The following TUFT1 variants were observed in gnomAD, a reference collection of about 807,000 sequenced individuals.
TUFT1 encodes tuftelin 1, also known as tuftelin.
TUFT1 carries 43 observed loss-of-function variants against 57.8 expected under a neutral mutation model. The ratio of observed to expected loss-of-function variants is 0.74; its 90% CI spans 0.58 to 0.96. The LOEUF is 0.96. TUFT1 is among the 40% of genes least tolerant of loss of function. The pLI is 0.00. For missense variants in TUFT1, 459 were observed against 489.0 expected, an observed-to-expected ratio of 0.94 and a Z score of 0.58; for synonymous variants, 166 against 176.7, an observed-to-expected ratio of 0.94 and a Z score of 0.48.
intron 10 of TUFT1, among the ~76,000 whole-genome samples, chr1:151,579,245 C>T (rs1393644889): frequency 6.6e-6 from 1 of 152,160 alleles, no homozygotes; most frequent in Admixed American, 6.5e-5. Flanking sequence ...GAGCCTAAGG[C>T]CCCATAACTG....
In TUFT1 at chr1:151,574,384, C is replaced by G. The variant is rs752635495; in HGVS notation, c.709C>G (p.Leu237Val). 1.9e-6 allele frequency: 3 copies of G among 1,613,940 alleles called. No individual in the cohort carries two copies. The highest frequency in any genetic ancestry group is 1.7e-5 in the Admixed American group (1 of 59,980). ...AGTCGGAGAGCTGCAGAGGCGCTTG[C>G]TAGGGATGGAGACGGTAACCGGGGG... Reference protein sequence around the residue: ...AEVGELQRRLLGMETEHQALL... With the variant: ...AEVGELQRRLVGMETEHQALL... Residue 237 changes from leucine to valine, a missense_variant, in exon 8 of 13, where the codon CTA becomes GTA. Coordinates refer to ENST00000368849, the MANE Select transcript of TUFT1 (RefSeq NM_020127.3).
intron 1 of TUFT1, among the ~76,000 whole-genome samples, chr1:151,546,085 G>A (rs1351375003): frequency 6.7e-6 from 1 of 149,492 alleles, no homozygotes; most frequent in Non-Finnish European, 1.5e-5. Flanking sequence ...CATTAATTGG[G>A]AACTATTTGC....
intron 10 of TUFT1, 25 bp downstream of exon 10, chr1:151,578,851 G>C: frequency 6.5e-7 from 1 of 1,530,242 alleles, no homozygotes; most frequent in South Asian, 1.2e-5. Flanking sequence ...TTTGTAACCT[G>C]CCCTCGGGGA....
chr1:151,558,391 A>G (rs1312156545), intron 1 of TUFT1, among the ~76,000 whole-genome samples: 4 of 151,336 alleles, frequency 2.6e-5, no homozygotes, highest in Admixed American at 2.6e-4. Flanking sequence ...TGCTTTCAAG[A>G]CTTTTTCTTT....
At chr1:151,544,714 A>G (rs1026879353) in intron 1 of TUFT1, among the ~76,000 whole-genome samples, 4 of 152,232 alleles carry the variant, frequency 2.6e-5, no homozygotes, top group Non-Finnish European at 5.9e-5. Context: ...TCAAAGTATC[A>G]ATAATATCAA....
At chr1:151,577,077 A>G (rs555104512) in intron 9 of TUFT1, among the ~76,000 whole-genome samples, 1 of 152,256 alleles carries the variant, frequency 6.6e-6, no homozygotes, top group Admixed American at 6.5e-5. Flanking sequence ...CCTGGCCAAC[A>G]TTTCACTTAT....
intron 6 of TUFT1, among the ~76,000 whole-genome samples, chr1:151,567,666 G>A (rs868244016): frequency 1.3e-5 from 2 of 151,952 alleles, no homozygotes; most frequent in African/African-American, 2.4e-5. Context: ...GTGCCTCAGC[G>A]TACTGAGTAG....
At chr1:151,561,420 G>A (rs1477666565) in intron 1 of TUFT1, 1 of 343,798 alleles carries the variant, frequency 2.9e-6, no homozygotes, top group Non-Finnish European at 4.1e-6. Flanking sequence ...AGGCTGAGGT[G>A]GGTGGATCAC....
Position 151,579,668 on chromosome 1 carries a change from T to C in TUFT1, c.944T>C (p.Val315Ala). The change falls in exon 11 of 13, where the codon GTG (valine) becomes GCG (alanine). Residue 315 changes from valine to alanine, a missense_variant. By Grantham distance (64) the Val-to-Ala change is moderately conservative (BLOSUM62 0). Coordinates refer to ENST00000368849, the MANE Select transcript of TUFT1 (RefSeq NM_020127.3). The stretch of plus-strand genomic sequence containing the variant: ...TTGCAGCTCCAGAATTCAAAAGCTG[T>C]GATCCAGTCAAAGGACGCCACCATC... ...MIEQLQNSKAVIQSKDATIQE... is the reference protein window; with the variant it reads ...MIEQLQNSKAAIQSKDATIQE... 6.2e-7 allele frequency: 1 copy of C among 1,614,020 alleles called. No homozygotes were observed. Among genetic ancestry groups the C allele is most frequent in the East Asian group, 2.2e-5 (1 of 44,874 alleles).
chr1:151,557,840 C>T (rs1384211420), intron 1 of TUFT1: 27 of 745,300 alleles, frequency 3.6e-5, no homozygotes, highest in Middle Eastern at 3.7e-4. Flanking sequence ...AGTGCTGTGC[C>T]GCCTGGTGCC....
chr1:151,561,642 A>T (rs1665897620), intron 1 of TUFT1: 2 of 1,186,756 alleles, frequency 1.7e-6, no homozygotes, highest in Non-Finnish European at 2.1e-6. Flanking sequence ...GAATTCAGGT[A>T]CTTTCCTATA....
At position 151,544,000 on chromosome 1, in the gene TUFT1, T is replaced by G. The variant is rs1665251513; in HGVS notation, c.60+3574T>G. Among the ~76,000 whole-genome samples, 3 of 111,412 alleles carry G rather than the reference T, an allele frequency of 2.7e-5. No individual in the cohort carries two copies. The South Asian group carries it at 9.4e-4, about 35-fold the overall frequency. The allele number at this position is 111,412 out of a possible 152,430, so 73.1% of individuals were successfully genotyped here. A position where few individuals can be genotyped will look rare whatever the true frequency, so the allele number is the denominator to read the frequency against. On this transcript the variant is annotated intron_variant, in intron 1 of 12. Coordinates refer to ENST00000368849, the MANE Select transcript of TUFT1 (RefSeq NM_020127.3). ...TTTAAATCACTTTTTTTTTTTTTTT[T>G]GAGACAGGGTCTCACTCTGTTGCCC...
Position 151,582,519 on chromosome 1 carries a change from C to T in TUFT1, c.*812C>T. On this transcript the variant is annotated 3_prime_UTR_variant, in exon 13 of 13. Coordinates refer to ENST00000368849, the MANE Select transcript of TUFT1 (RefSeq NM_020127.3). ...TGGGTTCCACCAGTCCCAGCAAAAT[C>T]CTCTTTGTATTTATTTTGCTAAGTT... is the stretch of plus-strand genomic sequence containing the variant. 1 of 231,426 alleles carries T rather than the reference C, an allele frequency of 4.3e-6. No individual in the cohort carries two copies. The highest frequency in any genetic ancestry group is 6.1e-5 in the South Asian group (1 of 16,404). 14.3% of individuals were successfully genotyped at this position (231,426 alleles called of 1,614,324 possible).
intron 1 of TUFT1, chr1:151,561,413 C>A: frequency 3.3e-6 from 1 of 300,370 alleles, no homozygotes; most frequent in Non-Finnish European, 4.8e-6. Flanking sequence ...ACTTGGGAGG[C>A]TGAGGTGGGT....
At chr1:151,551,316 C>A (rs1394455242) in intron 1 of TUFT1, among the ~76,000 whole-genome samples, 1 of 152,038 alleles carries the variant, frequency 6.6e-6, no homozygotes, top group African/African-American at 2.4e-5. Context: ...GAACATATCA[C>A]CTGGAACTCA....
intron 1 of TUFT1, among the ~76,000 whole-genome samples, chr1:151,550,529 G>C (rs1332944568): frequency 6.6e-6 from 1 of 151,898 alleles, no homozygotes; most frequent in African/African-American, 2.4e-5. Context: ...ATTTTCAGTG[G>C]AGACGGGGTT....
At chr1:151,571,242 A>G (rs1666241233) in intron 7 of TUFT1, among the ~76,000 whole-genome samples, 1 of 152,238 alleles carries the variant, frequency 6.6e-6, no homozygotes, top group Admixed American at 6.5e-5. Context: ...GGCACCAAGG[A>G]TGATAAACTG....
intron 1 of TUFT1, among the ~76,000 whole-genome samples, chr1:151,558,718 G>A (rs1321691075): frequency 2.0e-5 from 3 of 151,678 alleles, no homozygotes; most frequent in African/African-American, 7.3e-5. Context: ...CCTTTGTTCT[G>A]ACTGAAGGAT....
intron 1 of TUFT1, among the ~76,000 whole-genome samples, chr1:151,552,910 G>C (rs898836167): frequency 8.5e-5 from 13 of 152,070 alleles, no homozygotes; most frequent in African/African-American, 3.1e-4. Flanking sequence ...AGTATAGGCA[G>C]CTGTGTAGAA....
Sources: gnomAD v4.1 joint callset for allele counts (sites outside exome capture counted in the v4.1 genomes callset) on GRCh38, gnomAD v4.1.1 for gene constraint, MANE v1.5 for transcripts, NCBI Gene and HGNC (gene_info 2026-07-23, HGNC 2026-07-21) for gene names.